Variants in ITGA9 observed in about 807,000 individuals in gnomAD.
ITGA9 encodes the protein integrin alpha-9.
ITGA9 carries 56 observed loss-of-function variants against 127.8 expected under a neutral mutation model. The ratio of observed to expected loss-of-function variants is 0.44; its 90% CI spans 0.35 to 0.55. The LOEUF (loss-of-function observed/expected upper bound fraction) is 0.55. Ranked by LOEUF, ITGA9 falls within the 20% of genes least tolerant of loss-of-function variation. The probability of loss-of-function intolerance (pLI) is 0.00; values close to 1 mark genes in which losing one functional copy is unlikely to be tolerated. For synonymous variants in ITGA9, 508 were observed against 514.5 expected (o/e 0.99, Z 0.17); for missense variants, 1,196 against 1,347.1 (o/e 0.89, Z 1.76).
intron 15 of ITGA9, among the ~76,000 whole-genome samples, chr3:37,612,371 G>C (rs1477861309): frequency 6.6e-6 from 1 of 152,098 alleles, no homozygotes; most frequent in Non-Finnish European, 1.5e-5. Flanking sequence ...TAATATACCA[G>C]CTTTTTCTTG....
At chr3:37,512,129 CTTTTCTTTTCTTTTCTT>C (rs1698931062) in intron 8 of ITGA9, among the ~76,000 whole-genome samples, 1 of 10,526 alleles carries the variant, frequency 9.5e-5, no homozygotes, top group African/African-American at 3.1e-4. Context: ...TCTTTCTTTT[CTTTTCTTTTCTTTTCTT>C]TTCTTTTCTT....
Position 37,559,274 on chromosome 3 carries a change from G to GCA in ITGA9, c.1689+16708_1689+16709dup, listed in dbSNP as rs10569609. On this transcript the variant is annotated intron_variant, in intron 15 of 27. Coordinates refer to ENST00000264741, the MANE Select transcript of ITGA9 (RefSeq NM_002207.3). ...AAAAGTGATGGATGAAACTATGTGA[G>GCA]CACACACACACACACACACATATAC... is the stretch of plus-strand genomic sequence containing the variant. Among the ~76,000 whole-genome samples, 532 of 150,796 alleles carry GCA rather than the reference G, an allele frequency of 3.5e-3. 4 individuals are homozygous for GCA. Among genetic ancestry groups the GCA allele is most frequent in the South Asian group, 0.027 (126 of 4,732 alleles).
At chr3:37,658,907 C>T (rs891105968) in intron 17 of ITGA9, among the ~76,000 whole-genome samples, 58 of 152,232 alleles carry the variant, frequency 3.8e-4, no homozygotes, top group Admixed American at 1.3e-4. Flanking sequence ...AGAGCATTTG[C>T]TTCTCTGTAA....
intron 19 of ITGA9, among the ~76,000 whole-genome samples, chr3:37,735,665 ACCCCT>A (rs1408023842): frequency 3.3e-5 from 5 of 152,120 alleles, no homozygotes; most frequent in African/African-American, 1.2e-4. Context: ...TGGTCCTGTG[ACCCCT>A]ACCCAAGGGT....
intron 26 of ITGA9, among the ~76,000 whole-genome samples, chr3:37,800,412 C>T (rs1697223734): frequency 6.6e-6 from 1 of 152,228 alleles, no homozygotes; most frequent in Non-Finnish European, 1.5e-5. Flanking sequence ...TGGTTGCCTA[C>T]GGTTGCACCA....
chr3:37,607,383 G>A (rs1699978463), intron 15 of ITGA9, among the ~76,000 whole-genome samples: 1 of 152,058 alleles, frequency 6.6e-6, no homozygotes, highest in Non-Finnish European at 1.5e-5. Flanking sequence ...AACAGTGTAA[G>A]AACAAAAAAC....
chr3:37,790,581 C>T (rs1697096950), intron 26 of ITGA9: 2 of 230,570 alleles, frequency 8.7e-6, no homozygotes, highest in South Asian at 1.3e-4. Flanking sequence ...ACAAGTTGTG[C>T]TTTACAGAGC....
rs763865413 is a variant in ITGA9 at position 37,803,852 on chromosome 3, G to T, written c.2919G>T (p.Glu973Asp). Residue 973 changes from glutamate (E) to aspartate (D), a missense_variant, in exon 27 of 28, where the codon GAG becomes GAT. By Grantham distance (45) the Glu-to-Asp change is conservative. Transcript: ENST00000264741. ...TVVFEALHNL[E>D]PRGYVVGWII... ...TCTTCGAGGCCCTGCACAATCTGGA[G>T]CCCCGTGGCTACGTCGTGGGGTGGA... is the stretch of plus-strand genomic sequence containing the variant. 2.5e-6 allele frequency: 4 copies of T among 1,614,164 alleles called. No individual in the cohort carries two copies. The highest frequency in any genetic ancestry group is 3.4e-6 in the Non-Finnish European group (4 of 1,180,024).
chr3:37,790,380 G>T, intron 26 of ITGA9: 2 of 497,704 alleles, frequency 4.0e-6, no homozygotes, highest in African/African-American at 2.0e-5. Flanking sequence ...TCATCTTGCT[G>T]ATTTCCCATT....
intron 15 of ITGA9, among the ~76,000 whole-genome samples, chr3:37,606,084 C>T (rs925781043): frequency 2.0e-5 from 3 of 152,158 alleles, no homozygotes; most frequent in African/African-American, 7.2e-5. Context: ...ATTCTTGCAC[C>T]CTGTACCACA....
At chr3:37,665,835 G>A (rs1300242613) in intron 17 of ITGA9, among the ~76,000 whole-genome samples, 2 of 152,164 alleles carry the variant, frequency 1.3e-5, no homozygotes, top group African/African-American at 4.8e-5. Context: ...GGACATGTGG[G>A]TGTCTTCCGT....
intron 18 of ITGA9, among the ~76,000 whole-genome samples, chr3:37,697,162 G>A (rs1295986219): frequency 6.6e-6 from 1 of 152,082 alleles, no homozygotes; most frequent in Non-Finnish European, 1.5e-5. Context: ...AGTGGCTAGA[G>A]ACTCGATTGT....
chr3:37,457,007 C>T lies in ITGA9; in HGVS notation c.185+4448C>T, dbSNP rs548540952. ...ATTTTCATCATCACGGAAAGTTCTA[C>T]TGGGCAGTGTGGGTTTAGAGCAATG... On this transcript the variant is annotated intron_variant, in intron 1 of 27. Transcript: ENST00000264741. 2.6e-5 allele frequency among the ~76,000 whole-genome samples: 4 copies of T among 152,234 alleles called. No individual in the cohort carries two copies. In the South Asian group the frequency reaches 8.3e-4, roughly 32 times the overall value.
intron 3 of ITGA9, among the ~76,000 whole-genome samples, chr3:37,477,591 C>G (rs1698506778): frequency 6.6e-6 from 1 of 152,124 alleles, no homozygotes. Context: ...AGAGGCAAGC[C>G]CCTTCCCTTC....
At chr3:37,723,482 T>G (rs1559578998) in intron 18 of ITGA9, among the ~76,000 whole-genome samples, 2 of 152,168 alleles carry the variant, frequency 1.3e-5, no homozygotes, top group Non-Finnish European at 2.9e-5. Flanking sequence ...CACCTCAGCC[T>G]CCCAAGTAGC....
chr3:37,789,026 A>G (rs749737005), intron 26 of ITGA9, among the ~76,000 whole-genome samples: 1 of 152,170 alleles, frequency 6.6e-6, no homozygotes, highest in Non-Finnish European at 1.5e-5. Context: ...ATAAATCCTC[A>G]ATACTTCTTA....
chr3:37,720,829 C>T (rs1334908904), intron 18 of ITGA9, among the ~76,000 whole-genome samples: 1 of 152,132 alleles, frequency 6.6e-6, no homozygotes, highest in Non-Finnish European at 1.5e-5. Flanking sequence ...AAAGATTAGT[C>T]CTAAGCAGGG....
At chr3:37,657,685 T>C (rs1377922245) in intron 17 of ITGA9, among the ~76,000 whole-genome samples, 1 of 151,910 alleles carries the variant, frequency 6.6e-6, no homozygotes, top group East Asian at 1.9e-4. Flanking sequence ...TTCATGTCTC[T>C]ATCTCCTTCA....
intron 1 of ITGA9, 85 bp from the exon 2 acceptor site, chr3:37,470,922 A>T (rs1698423720): frequency 7.7e-6 from 11 of 1,424,220 alleles, no homozygotes. Context: ...CAGAGAGCCC[A>T]CCCGTGGTTG....
Sources: gnomAD v4.1 joint callset for allele counts (sites outside exome capture counted in the v4.1 genomes callset) on GRCh38, gnomAD v4.1.1 for gene constraint, MANE v1.5 for transcripts, NCBI Gene and HGNC (gene_info 2026-07-23, HGNC 2026-07-21) for gene names.